PRPF4: variants seen among roughly 807,000 people sequenced by gnomAD.
The protein encoded by PRPF4 is pre-mRNA splicing tri-snRNP complex factor PRPF4, also known as U4/U6 small nuclear ribonucleoprotein Prp4.
Under a neutral mutation model 72.2 loss-of-function variants are expected in PRPF4, and 14 were observed. That is an observed-to-expected ratio of 0.19 (90% CI 0.13 to 0.30). The LOEUF is 0.30. PRPF4 is among the 10% of genes least tolerant of loss of function. The probability of loss-of-function intolerance (pLI) is 1.00; values close to 1 mark genes in which losing one functional copy is unlikely to be tolerated. For synonymous variants in PRPF4, 225 were observed against 232.2 expected (o/e 0.97, Z 0.28); for missense variants, 478 against 653.9 (o/e 0.73, Z 2.93).
intron 9 of PRPF4, 43 bp from the exon 10 acceptor site, chr9:113,288,128 CTATT>C (rs774340100): frequency 4.5e-6 from 7 of 1,565,962 alleles, no homozygotes; most frequent in South Asian, 3.4e-5. Context: ...AGTTTTGTGA[CTATT>C]TATATGTCTA....
At chr9:113,276,754 A>C in intron 2 of PRPF4, 29 bp downstream of exon 2, 1 of 1,580,806 alleles carries the variant, frequency 6.3e-7, no homozygotes, top group Non-Finnish European at 8.6e-7. Context: ...GCCCATCTTT[A>C]CCTCTTTGTG....
At chr9:113,283,038 C>T (rs1302222264) in intron 4 of PRPF4, 94 bp from the exon 5 acceptor site, 3 of 1,574,718 alleles carry the variant, frequency 1.9e-6, no homozygotes, top group Non-Finnish European at 2.6e-6. Context: ...AATGAATTCA[C>T]CTTCCTTCTG....
At chr9:113,279,280 C>T (rs1160632757) in intron 3 of PRPF4, 149 bp downstream of exon 3, 9 of 691,936 alleles carry the variant, frequency 1.3e-5, no homozygotes, top group Non-Finnish European at 2.1e-5. Context: ...AGCCCATAAT[C>T]TGTCTTAGGC....
intron 6 of PRPF4, 28 bp from the exon 7 acceptor site, chr9:113,284,267 C>T (rs1201136383): frequency 6.7e-7 from 1 of 1,490,494 alleles, no homozygotes; most frequent in Non-Finnish European, 9.4e-7. Context: ...TTAATGATCA[C>T]CGTGTGTGTA....
At chr9:113,281,540 T>A (rs900765998) in intron 3 of PRPF4, among the ~76,000 whole-genome samples, 2 of 152,162 alleles carry the variant, frequency 1.3e-5, no homozygotes, top group Non-Finnish European at 2.9e-5. Flanking sequence ...CATCTGTAAA[T>A]CCTCCTGAGC....
chr9:113,288,157 T>A lies in PRPF4; in HGVS notation c.933-18T>A. 1 of 1,612,452 alleles carries A rather than the reference T, an allele frequency of 6.2e-7. No homozygotes were observed. The highest frequency in any genetic ancestry group is 8.5e-7 in the Non-Finnish European group (1 of 1,178,554). ...TTATATGTCTATAAAATTGTTTATA[T>A]GTTTGGTTCCTTTCCAGTGATGAAC... On this transcript the variant is annotated intron_variant, in intron 9 of 13. Coordinates refer to ENST00000374198, the MANE Select transcript of PRPF4 (RefSeq NM_001244926.2).
chr9:113,291,656 A>C lies in PRPF4; in HGVS notation c.1562A>C (p.Glu521Ala). The change falls in exon 14 of 14, where the codon GAA becomes GCA. Residue 521 changes from glutamate to alanine, a missense_variant. Physicochemically the swap from Glu to Ala is moderately radical, Grantham distance 107. Coordinates refer to ENST00000374198, the MANE Select transcript of PRPF4 (RefSeq NM_001244926.2). ...AGGACCTTCAAGCTGTGGATGGCTGAATAGATGACAATGGGAAAAGGACTT... is the reference window on the plus strand; with the variant it reads ...AGGACCTTCAAGCTGTGGATGGCTGCATAGATGACAATGGGAAAAGGACTT... The part of the protein sequence containing the change: ...YDRTFKLWMA[E>A] 1 of 1,613,848 alleles carries C rather than the reference A, an allele frequency of 6.2e-7. No individual in the cohort carries two copies. The highest frequency in any genetic ancestry group is 1.6e-4 in the Middle Eastern group (1 of 6,062).
At chr9:113,283,094 T>A in intron 4 of PRPF4, 38 bp from the exon 5 acceptor site, 1 of 1,614,068 alleles carries the variant, frequency 6.2e-7, no homozygotes. Flanking sequence ...AGTAGAATGC[T>A]TCAGATTTGA....
intron 5 of PRPF4, 85 bp downstream of exon 5, chr9:113,283,296 G>A: frequency 6.2e-7 from 1 of 1,612,572 alleles, no homozygotes; most frequent in Non-Finnish European, 8.5e-7. Context: ...AATGACTATG[G>A]TTGTTAAATG....
In PRPF4 at chr9:113,287,574, G is replaced by A. The variant is rs369153229; in HGVS notation, c.933-601G>A. Among the ~76,000 whole-genome samples, 23 of 152,138 alleles carry A rather than the reference G, an allele frequency of 1.5e-4. No individual in the cohort carries two copies. The East Asian group carries it at 4.4e-3, about 29-fold the overall frequency. ...TTCTTTCTTTGGGAAAACACATGAAGGTTTTTACTTGAGAATTTTTATGAG... is the reference window on the plus strand; with the variant it reads ...TTCTTTCTTTGGGAAAACACATGAAAGTTTTTACTTGAGAATTTTTATGAG... On this transcript the variant is annotated intron_variant, in intron 9 of 13. Transcript: ENST00000374198.
At chr9:113,281,076 C>T (rs553280153) in intron 3 of PRPF4, among the ~76,000 whole-genome samples, 50 of 152,212 alleles carry the variant, frequency 3.3e-4, no homozygotes, top group African/African-American at 1.2e-3. Flanking sequence ...CTCAAGTGAT[C>T]CTCTCAACAC....
Position 113,291,784 on chromosome 9 carries a change from T to C in PRPF4, c.*124T>C, listed in dbSNP as rs550669772. 1.5e-5 allele frequency: 15 copies of C among 970,648 alleles called. No individual in the cohort carries two copies. In the Admixed American group the frequency reaches 4.3e-4, roughly 28 times the overall value. 60.1% of individuals were successfully genotyped at this position (970,648 alleles called of 1,614,324 possible). A position where few individuals can be genotyped will look rare whatever the true frequency, so the allele number is the denominator to read the frequency against. ...CCAATTACCATGCATAGACCCTCAGTAGAATTGGATTTCCATGTCAGCCCC... is the reference window on the plus strand; with the variant it reads ...CCAATTACCATGCATAGACCCTCAGCAGAATTGGATTTCCATGTCAGCCCC... On this transcript the variant is annotated 3_prime_UTR_variant, in exon 14 of 14. Transcript: ENST00000374198.
At chr9:113,279,641 G>A (rs1293024180) in intron 3 of PRPF4, among the ~76,000 whole-genome samples, 1 of 152,054 alleles carries the variant, frequency 6.6e-6, no homozygotes, top group Non-Finnish European at 1.5e-5. Flanking sequence ...TACCCACCTT[G>A]GCCTCCCAAA....
rs756104618 is a variant in PRPF4 at position 113,276,526 on chromosome 9, A to T, written c.28-22A>T. On this transcript the variant is annotated intron_variant, in intron 1 of 13. Transcript: ENST00000374198. ...ATTGCCAAGATTAAACCTTAGTTTA[A>T]TGCAGATCTTTGATTTAGCAGGCAA... 6 of 1,613,842 alleles carry T rather than the reference A, an allele frequency of 3.7e-6. No homozygotes were observed. Among genetic ancestry groups the T allele is most frequent in the Middle Eastern group, 1.7e-4 (1 of 6,060 alleles).
Position 113,283,580 on chromosome 9 carries a change from G to C in PRPF4, c.654+98G>C, listed in dbSNP as rs1427581733. On this transcript the variant is annotated intron_variant, in intron 6 of 13. Coordinates refer to ENST00000374198, the MANE Select transcript of PRPF4 (RefSeq NM_001244926.2). ...ACCTCTGGGAAGGTAGAGGCAACTAGAGTGATTCCTCCCTGCTTAAGTTGA... is the reference window on the plus strand; with the variant it reads ...ACCTCTGGGAAGGTAGAGGCAACTACAGTGATTCCTCCCTGCTTAAGTTGA... 29 of 1,196,186 alleles carry C rather than the reference G, an allele frequency of 2.4e-5. 1 individual carries two copies. Among genetic ancestry groups the C allele is most frequent in the Non-Finnish European group, 3.4e-5 (29 of 843,978 alleles). 74.1% of individuals were successfully genotyped at this position (1,196,186 alleles called of 1,614,324 possible).
intron 2 of PRPF4, among the ~76,000 whole-genome samples, 199 bp downstream of exon 2, chr9:113,276,924 C>T (rs1303526113): frequency 6.6e-6 from 1 of 152,014 alleles, no homozygotes; most frequent in Non-Finnish European, 1.5e-5. Flanking sequence ...AAGCAGTTCT[C>T]CTGCTTCAGC....
intron 7 of PRPF4, among the ~76,000 whole-genome samples, chr9:113,285,668 G>A (rs1238080938): frequency 2.0e-5 from 3 of 151,720 alleles, no homozygotes; most frequent in East Asian, 3.9e-4. Flanking sequence ...GTGAGCCACA[G>A]CGCCTGGCCC....
rs1235708520 is a variant in PRPF4 at position 113,283,112 on chromosome 9, G to T, written c.481-20G>T. 2 of 1,614,054 alleles carry T rather than the reference G, an allele frequency of 1.2e-6. No individual in the cohort carries two copies. Among genetic ancestry groups the T allele is most frequent in the Non-Finnish European group, 1.7e-6 (2 of 1,180,034 alleles). ...AGAATGCTTCAGATTTGACCTTTCT[G>T]CTCTTAATTTGCCTTTCAGTATCAG... is the stretch of plus-strand genomic sequence containing the variant. On this transcript the variant is annotated intron_variant, in intron 4 of 13. Transcript: ENST00000374198.
At chr9:113,281,415 C>G (rs1832281124) in intron 3 of PRPF4, among the ~76,000 whole-genome samples, 1 of 152,190 alleles carries the variant, frequency 6.6e-6, no homozygotes, top group African/African-American at 2.4e-5. Flanking sequence ...CTGCTACTAT[C>G]TGAATTTCAG....
Sources: allele counts gnomAD v4.1 joint callset (sites outside exome capture counted in the v4.1 genomes callset), GRCh38; gene constraint gnomAD v4.1.1; transcripts MANE v1.5; gene names NCBI Gene and HGNC (gene_info 2026-07-23, HGNC 2026-07-21).